Variants in BRDT observed in about 807,000 individuals in gnomAD.
BRDT encodes the protein bromodomain testis associated.
In BRDT, 77 loss-of-function variants were observed where a neutral mutation model predicts 113.9. The ratio of observed to expected loss-of-function variants is 0.68; its 90% confidence interval spans 0.56 to 0.82. BRDT has a LOEUF of 0.82. BRDT is among the 40% of genes least tolerant of loss of function. The probability of loss-of-function intolerance (pLI) is 0.00; values close to 1 mark genes in which losing one functional copy is unlikely to be tolerated. For missense variants in BRDT, 1,027 were observed against 1,105.4 expected, an observed-to-expected ratio of 0.93 and a Z score of 1.01; for synonymous variants, 358 against 366.5, an observed-to-expected ratio of 0.98 and a Z score of 0.26.
At chr1:92,000,875 A>G (rs1686772758) in intron 15 of BRDT, among the ~76,000 whole-genome samples, 1 of 152,242 alleles carries the variant, frequency 6.6e-6, no homozygotes, top group Non-Finnish European at 1.5e-5. Flanking sequence ...TCAATCTTTT[A>G]GTCATGGCTT....
intron 1 of BRDT, among the ~76,000 whole-genome samples, chr1:91,960,386 C>T (rs1570440074): frequency 6.6e-6 from 1 of 152,094 alleles, no homozygotes; most frequent in Admixed American, 6.6e-5. Context: ...TTCTAACACA[C>T]GCTACAACAT....
chr1:91,952,777 C>CAAAAAAAAA (rs66618367), intron 1 of BRDT, among the ~76,000 whole-genome samples: 1 of 74,876 alleles, frequency 1.3e-5, no homozygotes, highest in African/African-American at 5.0e-5. Flanking sequence ...GACCCATCTC[C>CAAAAAAAAA]AAAAAAAAAA....
At chr1:91,973,772 C>A (rs1330776215) in intron 4 of BRDT, among the ~76,000 whole-genome samples, 2 of 152,154 alleles carry the variant, frequency 1.3e-5, no homozygotes, top group Non-Finnish European at 2.9e-5. Flanking sequence ...CCCTTTATTT[C>A]TTTCTCCTGC....
intron 7 of BRDT, among the ~76,000 whole-genome samples, chr1:91,979,144 G>A (rs1358305053): frequency 3.5e-5 from 5 of 144,634 alleles, no homozygotes; most frequent in African/African-American, 1.0e-4. Flanking sequence ...ATGGAGTTTC[G>A]TTCTTGTTGC....
chr1:91,976,558 G>C lies in BRDT; in HGVS notation c.618+120G>C, dbSNP rs1398194786. On this transcript the variant is annotated intron_variant, in intron 5 of 18. Transcript: ENST00000399546. Reference sequence around the variant, plus strand: ...TCTTTTTTAATTCATTTAGCATCTAGCAATCTGAAATAATACTGTTTCCGC... The same window carrying C: ...TCTTTTTTAATTCATTTAGCATCTACCAATCTGAAATAATACTGTTTCCGC... The C allele has an allele frequency of 1.1e-5, 11 of 986,072 alleles. No homozygotes were observed. In the Admixed American group the frequency reaches 3.8e-4, roughly 34 times the overall value. The allele number at this position is 986,072 out of a possible 1,614,324, so 61.1% of individuals were successfully genotyped here. A position where few individuals can be genotyped will look rare whatever the true frequency, so the allele number is the denominator to read the frequency against.
intron 2 of BRDT, among the ~76,000 whole-genome samples, chr1:91,963,479 A>G (rs1239547011): frequency 6.6e-6 from 1 of 152,144 alleles, no homozygotes; most frequent in Non-Finnish European, 1.5e-5. Context: ...TTATTATAGT[A>G]TATGTCACTT....
rs1395956744 is a variant in BRDT at position 91,994,273 on chromosome 1, A to C, written c.2287+19A>C. On this transcript the variant is annotated intron_variant, in intron 15 of 18. Coordinates refer to ENST00000399546, the MANE Select transcript of BRDT (RefSeq NM_207189.4). Reference sequence around the variant, plus strand: ...CCCTCAGGTAAGAAATTAACAAGTAAACAACTGTTATTGAGAAATTGACTT... The same window carrying C: ...CCCTCAGGTAAGAAATTAACAAGTACACAACTGTTATTGAGAAATTGACTT... 4 of 1,566,172 alleles carry C rather than the reference A, an allele frequency of 2.6e-6. No homozygotes were observed. In the African/African-American group the frequency reaches 5.4e-5, roughly 21 times the overall value.
intron 4 of BRDT, among the ~76,000 whole-genome samples, chr1:91,968,936 T>C (rs1683340769): frequency 6.6e-6 from 1 of 151,100 alleles, no homozygotes; most frequent in Non-Finnish European, 1.5e-5. Flanking sequence ...ATTTATTTAT[T>C]TATTTATTTA....
At chr1:91,990,921 C>T (rs1685693711) in intron 12 of BRDT, among the ~76,000 whole-genome samples, 1 of 152,184 alleles carries the variant, frequency 6.6e-6, no homozygotes, top group South Asian at 2.1e-4. Context: ...CCTCAGCCTC[C>T]TGAGTAGCTG....
At chr1:91,981,457 C>G in intron 11 of BRDT, 76 bp downstream of exon 11, 1 of 1,501,414 alleles carries the variant, frequency 6.7e-7, no homozygotes, top group Non-Finnish European at 9.2e-7. Context: ...ATTGCCCAGG[C>G]TGGTCTTGAA....
chr1:91,956,945 A>G (rs898890608), intron 1 of BRDT, among the ~76,000 whole-genome samples: 2 of 152,156 alleles, frequency 1.3e-5, no homozygotes, highest in South Asian at 2.1e-4. Flanking sequence ...TCTCCAAAAA[A>G]TTTTTAAAAA....
rs943844301 is a variant in BRDT, at chr1:91,962,126, CAG to C, written c.-37-589_-37-588del. ...AGCCACTGCACTCCAGCCTGGGTGA[CAG>C]AGCAAGACTCCGTCTCAAAAAAAAA... On this transcript the variant is annotated intron_variant, in intron 1 of 18. Transcript: ENST00000399546. Among the ~76,000 whole-genome samples, 17 of 109,704 alleles carry C rather than the reference CAG, an allele frequency of 1.5e-4. 1 individual carries two copies. The highest frequency in any genetic ancestry group is 2.5e-4 in the Non-Finnish European group (14 of 56,494). 72.0% of individuals were successfully genotyped at this position (109,704 alleles called of 152,430 possible).
rs775685599 is a variant in BRDT at position 91,980,796 on chromosome 1, A to T, written c.1441A>T (p.Lys481Ter). 6.3e-7 allele frequency: 1 copy of T among 1,598,526 alleles called. No homozygotes were observed. The highest frequency in any genetic ancestry group is 8.5e-7 in the Non-Finnish European group (1 of 1,176,596). The change falls in exon 9 of 19, where the codon AAG (lysine) becomes TAG (stop). Residue 481 changes from lysine to a stop codon, truncating the protein, a stop_gained. Transcript: ENST00000399546. LOFTEE classifies it high-confidence loss of function. The stretch of plus-strand genomic sequence containing the variant: ...AAAAATGTGTGAGCAAATGAGGCTA[A>T]AGGAAAAGTCCAAGAGAAAGTAAGT... Reference protein sequence around the residue: ...PRKMCEQMRLKEKSKRNQPKK... With the variant: ...PRKMCEQMRL
chr1:91,976,991 GCT>G lies in BRDT; in HGVS notation c.619-49_619-48del. On this transcript the variant is annotated intron_variant, in intron 5 of 18. Transcript: ENST00000399546. ...TTTCTTTTAACTGATAAGGAACTAT[GCT>G]CTGAATATCATCTCAAATATATTTT... The G allele has an allele frequency of 4.3e-6, 6 of 1,385,706 alleles. No individual in the cohort carries two copies. In the South Asian group the frequency reaches 8.9e-5, roughly 21 times the overall value. 85.8% of individuals were successfully genotyped at this position (1,385,706 alleles called of 1,614,324 possible). A position where few individuals can be genotyped will look rare whatever the true frequency, so the allele number is the denominator to read the frequency against.
rs959543939 is a variant in BRDT at position 91,979,928 on chromosome 1, TATC to T, written c.1287+174_1287+176del. Among the ~76,000 whole-genome samples the T allele has an allele frequency of 9.8e-5, 15 of 152,362 alleles. No homozygotes were observed. In the South Asian group the frequency reaches 2.1e-3, roughly 21 times the overall value. On this transcript the variant is annotated intron_variant, in intron 8 of 18. Coordinates refer to ENST00000399546, the MANE Select transcript of BRDT (RefSeq NM_207189.4). ...TAGTTTTTCCTAATCAAATATTTAT[TATC>T]ATAAAAATCTGTTATTTTAAAAAAT...
In BRDT at chr1:91,981,176, C is replaced by G; in HGVS notation, c.1748C>G (p.Pro583Arg). 4 of 1,608,414 alleles carry G rather than the reference C, an allele frequency of 2.5e-6. No homozygotes were observed. Among genetic ancestry groups the G allele is most frequent in the Non-Finnish European group, 3.4e-6 (4 of 1,178,206 alleles). ...ACLRKRPLKP[P>R]AKKIMMSKEE... ...CTAAGAAAGAGACCATTAAAACCTCCTGGTATGTATTTCTGCATATTAATA... is the reference window on the plus strand; with the variant it reads ...CTAAGAAAGAGACCATTAAAACCTCGTGGTATGTATTTCTGCATATTAATA... Residue 583 changes from proline (P) to arginine (R), a missense_variant and splice_region_variant, in exon 10 of 19, where the codon CCT becomes CGT. By Grantham distance (103) the Pro-to-Arg change is moderately radical. Transcript: ENST00000399546.
rs180966266 is a variant in BRDT at position 91,994,729 on chromosome 1, G to A, written c.2287+475G>A. 1.2e-3 allele frequency among the ~76,000 whole-genome samples: 184 copies of A among 150,986 alleles called. 1 individual carries two copies. Among genetic ancestry groups the A allele is most frequent in the Non-Finnish European group, 2.3e-3 (155 of 67,556 alleles). On this transcript the variant is annotated intron_variant, in intron 15 of 18. Coordinates refer to ENST00000399546, the MANE Select transcript of BRDT (RefSeq NM_207189.4). ...TAAAAATACAAAAAATTAGCCGGGC[G>A]CAGTGGCGGGCGCCTGTAGTCCCAG... is the stretch of plus-strand genomic sequence containing the variant.
rs972062432 is a variant in BRDT, at chr1:91,994,224, A to G, written c.2257A>G (p.Ile753Val). Residue 753 changes from isoleucine to valine, a missense_variant, in exon 15 of 19, where the codon ATT becomes GTT. By Grantham distance (29) the Ile-to-Val change is conservative. Transcript: ENST00000399546. ...ELEHLQTVKNISPLQILPPSG... is the reference protein window; with the variant it reads ...ELEHLQTVKNVSPLQILPPSG... ...AGAACATTTACAGACTGTGAAAAAC[A>G]TTTCACCTTTACAAATTCTGCCTCC... The G allele has an allele frequency of 3.1e-6, 5 of 1,608,904 alleles. No individual in the cohort carries two copies. The highest frequency in any genetic ancestry group is 1.7e-5 in the Admixed American group (1 of 58,698).
At chr1:91,992,412 CAAAAA>C (rs55996004) in intron 14 of BRDT, 98 bp downstream of exon 14, 608 of 179,604 alleles carry the variant, frequency 3.4e-3, no homozygotes, top group Middle Eastern at 6.4e-3. Context: ...TGAAGAGAGG[CAAAAA>C]AAAAAAAAAA....
Sources: allele counts gnomAD v4.1 joint callset (sites outside exome capture counted in the v4.1 genomes callset), GRCh38; gene constraint gnomAD v4.1.1; transcripts MANE v1.5; gene names NCBI Gene and HGNC (gene_info 2026-07-23, HGNC 2026-07-21).